The following ZNF18 variants were observed in gnomAD, a reference collection of about 807,000 sequenced individuals.
ZNF18 encodes the protein zinc finger protein 18.
In ZNF18, 42 loss-of-function variants were observed where a neutral mutation model predicts 58.1. The ratio of observed to expected loss-of-function variants is 0.72; its 90% CI spans 0.56 to 0.93. The LOEUF (loss-of-function observed/expected upper bound fraction) is 0.93, where lower values mean the gene tolerates loss of function less well. Among genes scored for constraint, ZNF18 ranks in the 40% least tolerant of loss-of-function variants. The probability of loss-of-function intolerance (pLI) is 0.00; values close to 1 mark genes in which losing one functional copy is unlikely to be tolerated. For missense variants in ZNF18, 540 were observed against 644.2 expected (o/e 0.84, Z 1.75); for synonymous variants, 231 against 239.8 (o/e 0.96, Z 0.34).
Position 11,983,301 on chromosome 17 carries a change from G to T in ZNF18, c.858C>A (p.Cys286Ter). The change falls in exon 6 of 7, where the codon TGC (cysteine) becomes TGA (stop). Residue 286 changes from cysteine (C) to a stop codon, truncating the protein, a stop_gained. Coordinates refer to ENST00000580306, the MANE Select transcript of ZNF18 (RefSeq NM_001303281.2). LOFTEE classifies it high-confidence loss of function. ...GACCAATGAAAGATTACTCACCTATGCAGGTGGGTCTTGGGATCTTCTCAT... is the reference window on the plus strand; with the variant it reads ...GACCAATGAAAGATTACTCACCTATTCAGGTGGGTCTTGGGATCTTCTCAT... ...HVNEKIPRPT[C>*]IGDRQENDKE... is the part of the protein sequence containing the mutation. The T allele has an allele frequency of 3.1e-6, 5 of 1,598,528 alleles. No homozygotes were observed. The highest frequency in any genetic ancestry group is 4.3e-6 in the Non-Finnish European group (5 of 1,165,858).
At chr17:12,012,993 C>G in the ZNF18 span, among the ~76,000 whole-genome samples, 1 of 151,580 alleles carries the variant, frequency 6.6e-6, no homozygotes, top group Non-Finnish European at 1.5e-5. Context: ...TGATCTGTCA[C>G]CAGGCTGGAG....
chr17:11,987,588 C>T (rs1967833655), intron 4 of ZNF18, among the ~76,000 whole-genome samples: 1 of 152,090 alleles, frequency 6.6e-6, no homozygotes, highest in Admixed American at 6.5e-5. Flanking sequence ...TATGTAAATA[C>T]GGTTGTAAAA....
At chr17:11,991,674 G>GTCA (rs1968138709) in intron 2 of ZNF18, among the ~76,000 whole-genome samples, 1 of 152,132 alleles carries the variant, frequency 6.6e-6, no homozygotes. Context: ...TGAAAGAAGA[G>GTCA]TCTTTGTTAT....
In ZNF18 at chr17:11,978,168, C is replaced by A; in HGVS notation, c.1439G>T (p.Arg480Leu). The stretch of plus-strand genomic sequence containing the variant: ...TCCTGTGTGGATTTTCTCGTGGTGG[C>A]GCAATCCTGAGAAGTCACTAAAGCC... ...GKGFSDFSGL[R>L]HHEKIHTGEK... The change falls in exon 7 of 7, where the codon CGC becomes CTC. Residue 480 changes from arginine (R) to leucine (L), a missense_variant. Physicochemically the swap from Arg to Leu is moderately radical, Grantham distance 102. Coordinates refer to ENST00000580306, the MANE Select transcript of ZNF18 (RefSeq NM_001303281.2). 1 of 1,613,962 alleles carries A rather than the reference C, an allele frequency of 6.2e-7. No individual in the cohort carries two copies. Among genetic ancestry groups the A allele is most frequent in the Non-Finnish European group, 8.5e-7 (1 of 1,179,976 alleles).
chr17:12,015,047 CA>C, the ZNF18 span, among the ~76,000 whole-genome samples: 1 of 149,532 alleles, frequency 6.7e-6, no homozygotes, highest in East Asian at 2.0e-4. Context: ...GACTCCATCT[CA>C]AAAAAAACAA....
chr17:11,986,972 C>G (rs1212756695), intron 4 of ZNF18, among the ~76,000 whole-genome samples: 1 of 152,204 alleles, frequency 6.6e-6, no homozygotes, highest in Non-Finnish European at 1.5e-5. Flanking sequence ...CAAATTTACT[C>G]AAGAAACTGC....
the ZNF18 span, among the ~76,000 whole-genome samples, chr17:12,010,576 C>A: frequency 6.6e-6 from 1 of 152,090 alleles, no homozygotes; most frequent in East Asian, 1.9e-4. Flanking sequence ...TCACCACGCC[C>A]AGCTAATTTT....
At chr17:11,994,712 G>A (rs1385487527) in intron 1 of ZNF18, among the ~76,000 whole-genome samples, 5 of 152,070 alleles carry the variant, frequency 3.3e-5, no homozygotes, top group Non-Finnish European at 5.9e-5. Flanking sequence ...GTGGTGGCGG[G>A]CGCCTGTGAT....
chr17:12,012,085 G>T, the ZNF18 span, among the ~76,000 whole-genome samples: 2 of 152,166 alleles, frequency 1.3e-5, no homozygotes, highest in Non-Finnish European at 2.9e-5. Context: ...ATAATGTAAA[G>T]TGTCCCTCTC....
At chr17:12,002,575 G>A in the ZNF18 span, among the ~76,000 whole-genome samples, 1 of 152,106 alleles carries the variant, frequency 6.6e-6, no homozygotes, top group Non-Finnish European at 1.5e-5. Flanking sequence ...CATTGTTACT[G>A]AGGCTGAATT....
chr17:11,981,144 C>T (rs1168783012), intron 6 of ZNF18, among the ~76,000 whole-genome samples: 2 of 152,046 alleles, frequency 1.3e-5, no homozygotes, highest in East Asian at 1.9e-4. Context: ...TTTTTCAAAC[C>T]AGGCCTTTCC....
At chr17:12,020,873 C>G in the ZNF18 span, 4 of 1,161,720 alleles carry the variant, frequency 3.4e-6, no homozygotes, top group Non-Finnish European at 4.3e-6. Context: ...CCGCTCGGCT[C>G]TTCACTCCCA....
chr17:12,014,049 C>T, the ZNF18 span, among the ~76,000 whole-genome samples: 1 of 152,158 alleles, frequency 6.6e-6, no homozygotes, highest in Non-Finnish European at 1.5e-5. Context: ...TAATGTCGGC[C>T]AATGTCCTCT....
chr17:12,017,785 G>A, the ZNF18 span, among the ~76,000 whole-genome samples: 2 of 151,874 alleles, frequency 1.3e-5, no homozygotes, highest in African/African-American at 4.8e-5. Flanking sequence ...GCTGAGGCAG[G>A]AGAATCACTT....
chr17:12,005,377 T>A, the ZNF18 span, among the ~76,000 whole-genome samples: 1 of 152,202 alleles, frequency 6.6e-6, no homozygotes, highest in Admixed American at 6.5e-5. Context: ...TTTGTGCTTT[T>A]CATTTTAAGC....
intron 4 of ZNF18, among the ~76,000 whole-genome samples, chr17:11,984,598 C>G (rs933555270): frequency 1.1e-4 from 16 of 151,980 alleles, no homozygotes; most frequent in Admixed American, 7.9e-4. Flanking sequence ...ACTGCAACCT[C>G]CACCTCCCAG....
At chr17:11,980,169 G>C (rs1967246466) in intron 6 of ZNF18, among the ~76,000 whole-genome samples, 1 of 152,130 alleles carries the variant, frequency 6.6e-6, no homozygotes, top group Non-Finnish European at 1.5e-5. Context: ...TTGGGCAGAG[G>C]GGGAAGTGGG....
At chr17:12,014,665 G>A in the ZNF18 span, among the ~76,000 whole-genome samples, 1 of 152,192 alleles carries the variant, frequency 6.6e-6, no homozygotes, top group Non-Finnish European at 1.5e-5. Flanking sequence ...CCAATGGGGA[G>A]CAACTGCAAA....
intron 6 of ZNF18, among the ~76,000 whole-genome samples, chr17:11,981,996 T>G (rs1249631423): frequency 6.6e-6 from 1 of 152,088 alleles, no homozygotes; most frequent in Non-Finnish European, 1.5e-5. Flanking sequence ...GGAGTCCTCA[T>G]GATGGGATTA....
Sources: gnomAD v4.1 joint callset for allele counts (sites outside exome capture counted in the v4.1 genomes callset) on GRCh38, gnomAD v4.1.1 for gene constraint, MANE v1.5 for transcripts, NCBI Gene and HGNC (gene_info 2026-07-23, HGNC 2026-07-21) for gene names.